The following RAB3B variants were observed in gnomAD, a reference collection of about 807,000 sequenced individuals.
The protein encoded by RAB3B is ras-related protein Rab-3B.
A neutral mutation model predicts 20.5 loss-of-function variants in RAB3B; 11 were observed. The observed-to-expected ratio is 0.54, with a 90% CI of 0.34 to 0.89. RAB3B has a LOEUF of 0.89. RAB3B is among the 40% of genes least tolerant of loss of function. The pLI is 0.02. For synonymous variants in RAB3B, 99 were observed against 106.3 expected (o/e 0.93, Z 0.42); for missense variants, 225 against 280.9 (o/e 0.80, Z 1.42).
chr1:51,943,763 C>T (rs1684526170), intron 2 of RAB3B, among the ~76,000 whole-genome samples: 2 of 152,222 alleles, frequency 1.3e-5, no homozygotes, highest in African/African-American at 2.4e-5. Context: ...AAGGCCTTAA[C>T]TCTCTTCAAT....
intron 1 of RAB3B, among the ~76,000 whole-genome samples, chr1:51,980,177 C>T (rs1471246061): frequency 1.3e-5 from 2 of 152,108 alleles, no homozygotes; most frequent in African/African-American, 4.8e-5. Flanking sequence ...ACCTGTAATC[C>T]CAGAACTTTG....
In RAB3B at chr1:51,909,380, T is replaced by G. The variant is rs1283240517; in HGVS notation, c.*10547A>C. On this transcript the variant is annotated 3_prime_UTR_variant, in exon 5 of 5. Transcript: ENST00000371655. ...TTTTATTTGACTCTCATAACTATTT[T>G]GTGAAGTAGGGAAGATTGTCAGCCT... is the stretch of plus-strand genomic sequence containing the variant. The G allele has an allele frequency of 6.6e-6, 1 of 152,200 alleles. No homozygotes were observed. The highest frequency in any genetic ancestry group is 1.5e-5 in the Non-Finnish European group (1 of 68,032). The allele number at this position is 152,200 out of a possible 1,614,324, so 9.4% of individuals were successfully genotyped here. A position where few individuals can be genotyped will look rare whatever the true frequency, so the allele number is the denominator to read the frequency against.
At position 51,957,923 on chromosome 1, in the gene RAB3B, C is replaced by T. The variant is rs140822735; in HGVS notation, c.228+18967G>A. 2.9e-3 allele frequency among the ~76,000 whole-genome samples: 439 copies of T among 152,286 alleles called. 6 individuals are homozygous for T. Among genetic ancestry groups the T allele is most frequent in the African/African-American group, 0.01 (421 of 41,552 alleles). Reference sequence around the variant, plus strand: ...ACGGCAACACACCGGTGGGGGAGGCCGGTATCCTGAGAGGACATATTCTCT... The same window carrying T: ...ACGGCAACACACCGGTGGGGGAGGCTGGTATCCTGAGAGGACATATTCTCT... On this transcript the variant is annotated intron_variant, in intron 2 of 4. Transcript: ENST00000371655.
intron 1 of RAB3B, among the ~76,000 whole-genome samples, chr1:51,979,143 G>T (rs1006961628): frequency 2.0e-5 from 3 of 152,160 alleles, no homozygotes; most frequent in African/African-American, 7.2e-5. Context: ...CATGGAGGAA[G>T]AAAGTGAGGT....
chr1:51,977,891 C>CAACT (rs1240049834), intron 1 of RAB3B, among the ~76,000 whole-genome samples: 1 of 152,170 alleles, frequency 6.6e-6, no homozygotes, highest in Non-Finnish European at 1.5e-5. Context: ...GACAAATAAC[C>CAACT]AACTAACCAA....
intron 4 of RAB3B, among the ~76,000 whole-genome samples, chr1:51,925,718 C>G (rs184077199): frequency 6.6e-6 from 1 of 152,338 alleles, no homozygotes; most frequent in Admixed American, 6.5e-5. Flanking sequence ...CCACTCAGAA[C>G]ATATAATGTC....
chr1:51,926,273 C>T (rs573483650), intron 4 of RAB3B, among the ~76,000 whole-genome samples: 53 of 152,328 alleles, frequency 3.5e-4, no homozygotes, highest in African/African-American at 9.4e-4. Context: ...AACCCATTCA[C>T]CTCTGTGTCC....
chr1:51,960,250 T>C (rs1428595026), intron 2 of RAB3B, among the ~76,000 whole-genome samples: 1 of 152,164 alleles, frequency 6.6e-6, no homozygotes, highest in Non-Finnish European at 1.5e-5. Flanking sequence ...GGAAATAGAA[T>C]GGATATTTCT....
intron 4 of RAB3B, among the ~76,000 whole-genome samples, chr1:51,924,041 C>T (rs1223909344): frequency 6.6e-6 from 1 of 152,102 alleles, no homozygotes; most frequent in East Asian, 1.9e-4. Flanking sequence ...GGAACTATGT[C>T]ATTCTGAGCC....
At chr1:51,955,508 G>C (rs951562919) in intron 2 of RAB3B, among the ~76,000 whole-genome samples, 3 of 152,098 alleles carry the variant, frequency 2.0e-5, no homozygotes, top group Admixed American at 6.6e-5. Context: ...TCTCCTGCCT[G>C]AGCCTCCTGA....
At position 51,911,277 on chromosome 1, in the gene RAB3B, G is replaced by T. The variant is rs1257577477; in HGVS notation, c.*8650C>A. 6.6e-6 allele frequency: 1 copy of T among 152,072 alleles called. No individual in the cohort carries two copies. The highest frequency in any genetic ancestry group is 1.5e-5 in the Non-Finnish European group (1 of 68,030). 9.4% of individuals were successfully genotyped at this position (152,072 alleles called of 1,614,324 possible). On this transcript the variant is annotated 3_prime_UTR_variant, in exon 5 of 5. Coordinates refer to ENST00000371655, the MANE Select transcript of RAB3B (RefSeq NM_002867.4). Reference sequence around the variant, plus strand: ...AAATCCCTCTTCTTCGTTCCTTCAGGTACAAGAAGAGAGGATGGAGACGAG... The same window carrying T: ...AAATCCCTCTTCTTCGTTCCTTCAGTTACAAGAAGAGAGGATGGAGACGAG...
intron 2 of RAB3B, among the ~76,000 whole-genome samples, chr1:51,972,499 T>C (rs1210650579): frequency 6.6e-6 from 1 of 151,122 alleles, no homozygotes; most frequent in East Asian, 1.9e-4. Flanking sequence ...CTTTTTTTTT[T>C]TTTTTTTGAG....
At chr1:51,966,796 C>G (rs907125440) in intron 2 of RAB3B, among the ~76,000 whole-genome samples, 1 of 151,892 alleles carries the variant, frequency 6.6e-6, no homozygotes, top group Non-Finnish European at 1.5e-5. Context: ...CTTCACATTC[C>G]TGGAGCCACA....
At chr1:51,930,021 T>A (rs1355733579) in intron 4 of RAB3B, among the ~76,000 whole-genome samples, 1 of 152,146 alleles carries the variant, frequency 6.6e-6, no homozygotes, top group Non-Finnish European at 1.5e-5. Context: ...GGAGGAGAGA[T>A]AAACATGTAA....
At chr1:51,969,077 T>G (rs1684893830) in intron 2 of RAB3B, among the ~76,000 whole-genome samples, 1 of 152,208 alleles carries the variant, frequency 6.6e-6, no homozygotes, top group Non-Finnish European at 1.5e-5. Flanking sequence ...GGCAGATCAC[T>G]TGAGCTCAGG....
At position 51,918,225 on chromosome 1, in the gene RAB3B, G is replaced by A. The variant is rs1024157467; in HGVS notation, c.*1702C>T. 3 of 152,144 alleles carry A rather than the reference G, an allele frequency of 2.0e-5. No homozygotes were observed. Among genetic ancestry groups the A allele is most frequent in the Admixed American group, 1.3e-4 (2 of 15,282 alleles). The allele number at this position is 152,144 out of a possible 1,614,324, so 9.4% of individuals were successfully genotyped here. A position where few individuals can be genotyped will look rare whatever the true frequency, so the allele number is the denominator to read the frequency against. ...CTCCCAGGAGAAAGGGGTTGGGATCGGGATCTCTGAGTTCAATTTTCTCAA... is the reference window on the plus strand; with the variant it reads ...CTCCCAGGAGAAAGGGGTTGGGATCAGGATCTCTGAGTTCAATTTTCTCAA... On this transcript the variant is annotated 3_prime_UTR_variant, in exon 5 of 5. Coordinates refer to ENST00000371655, the MANE Select transcript of RAB3B (RefSeq NM_002867.4).
intron 4 of RAB3B, among the ~76,000 whole-genome samples, chr1:51,932,771 G>A (rs1392139572): frequency 1.3e-5 from 2 of 152,128 alleles, no homozygotes; most frequent in Non-Finnish European, 2.9e-5. Flanking sequence ...GTGCTTCTCT[G>A]GAATAATGGG....
chr1:51,989,743 G>T (rs112061270), intron 1 of RAB3B, among the ~76,000 whole-genome samples: 7,255 of 151,340 alleles, frequency 0.048, 625 homozygotes, highest in African/African-American at 0.17. Context: ...TTCCTCTGCA[G>T]CAGGGTAGAC....
chr1:51,933,506 C>A (rs1684356036), intron 3 of RAB3B, 64 bp from the exon 4 acceptor site: 20 of 1,479,410 alleles, frequency 1.4e-5, no homozygotes, highest in Non-Finnish European at 1.8e-5. Flanking sequence ...TGTGTCCCCA[C>A]CTCCAAATTT....
Sources: gnomAD v4.1 joint callset for allele counts (sites outside exome capture counted in the v4.1 genomes callset) on GRCh38, gnomAD v4.1.1 for gene constraint, MANE v1.5 for transcripts, NCBI Gene and HGNC (gene_info 2026-07-23, HGNC 2026-07-21) for gene names.